Variants in ANKRD11 observed in about 807,000 individuals in gnomAD.
ANKRD11 encodes the protein ankyrin repeat domain 11.
ANKRD11 carries 17 observed loss-of-function variants against 195.7 expected under a neutral mutation model. The ratio of observed to expected loss-of-function variants is 0.09; its 90% confidence interval spans 0.06 to 0.13. The LOEUF is 0.13. Among genes scored for constraint, ANKRD11 ranks in the 10% least tolerant of loss-of-function variants. The pLI is 1.00. For synonymous variants in ANKRD11, 1,953 were observed against 1,528.1 expected, an observed-to-expected ratio of 1.28 and a Z score of -6.49; for missense variants, 3,735 against 3,566.1, an observed-to-expected ratio of 1.05 and a Z score of -1.21.
chr16:89,424,047 G>A (rs1309441202), intron 1 of ANKRD11, among the ~76,000 whole-genome samples: 1 of 152,080 alleles, frequency 6.6e-6, no homozygotes, highest in East Asian at 1.9e-4. Flanking sequence ...TACTCGACCA[G>A]TGAGGAACTG....
chr16:89,430,371 C>T (rs2042924348), intron 1 of ANKRD11, among the ~76,000 whole-genome samples: 1 of 148,826 alleles, frequency 6.7e-6, no homozygotes, highest in Non-Finnish European at 1.5e-5. Context: ...CACGCTCAGT[C>T]GTTCTAGTAC....
intron 2 of ANKRD11, chr16:89,361,345 G>C (rs2039723919): frequency 6.5e-6 from 1 of 153,094 alleles, no homozygotes; most frequent in South Asian, 2.1e-4. Flanking sequence ...GGGTGCTGCA[G>C]GGACACATTC....
intron 3 of ANKRD11, chr16:89,313,467 G>A (rs1227774403): frequency 7.8e-7 from 1 of 1,289,214 alleles, no homozygotes; most frequent in Admixed American, 2.3e-5. Context: ...GCTCACTGGT[G>A]CAGCCAAAGG....
intron 3 of ANKRD11, 108 bp from the exon 4 acceptor site, chr16:89,305,452 A>AACACCCT (rs1430436183): frequency 6.8e-7 from 1 of 1,475,824 alleles, no homozygotes; most frequent in East Asian, 2.3e-5. Flanking sequence ...TTGGGCAATG[A>AACACCCT]ACACCCTCCC....
At chr16:89,358,308 A>G (rs2039578485) in intron 2 of ANKRD11, among the ~76,000 whole-genome samples, 1 of 152,240 alleles carries the variant, frequency 6.6e-6, no homozygotes, top group African/African-American at 2.4e-5. Context: ...TCTGTTGGCC[A>G]CATCACAGCT....
At chr16:89,452,569 G>C (rs558654247) in intron 1 of ANKRD11, among the ~76,000 whole-genome samples, 7 of 151,864 alleles carry the variant, frequency 4.6e-5, no homozygotes, top group East Asian at 1.9e-4. Context: ...CTGAGGTCAA[G>C]AGATTGAGAC....
At chr16:89,449,691 G>C (rs2043977346) in intron 1 of ANKRD11, among the ~76,000 whole-genome samples, 1 of 152,178 alleles carries the variant, frequency 6.6e-6, no homozygotes, top group Admixed American at 6.5e-5. Context: ...TACTCGGGAG[G>C]CTGAGGCAGG....
intron 2 of ANKRD11, among the ~76,000 whole-genome samples, chr16:89,403,408 G>A (rs905495281): frequency 5.3e-5 from 8 of 152,164 alleles, no homozygotes; most frequent in African/African-American, 1.9e-4. Context: ...AGCACACGCA[G>A]GTGAGGGCAG....
intron 2 of ANKRD11, among the ~76,000 whole-genome samples, chr16:89,371,716 G>A (rs535426104): frequency 7.9e-5 from 12 of 152,160 alleles, no homozygotes; most frequent in South Asian, 6.2e-4. Context: ...AGGTGGTCTC[G>A]GGTGTGGAGG....
chr16:89,413,671 C>T (rs544501340), intron 2 of ANKRD11, among the ~76,000 whole-genome samples: 1 of 152,158 alleles, frequency 6.6e-6, no homozygotes, highest in Non-Finnish European at 1.5e-5. Flanking sequence ...GTGGCACCTA[C>T]AAATCCCTTA....
chr16:89,302,257 C>CTATT (rs1001372062), intron 4 of ANKRD11, among the ~76,000 whole-genome samples: 55 of 152,262 alleles, frequency 3.6e-4, no homozygotes, highest in Non-Finnish European at 7.2e-4. Flanking sequence ...GGACTCGCTA[C>CTATT]TATTTATTTA....
At chr16:89,354,084 ATGCCTGGCACTCCC>A (rs2039350299) in intron 2 of ANKRD11, among the ~76,000 whole-genome samples, 2 of 152,168 alleles carry the variant, frequency 1.3e-5, no homozygotes, top group African/African-American at 4.8e-5. Flanking sequence ...CAACAGTCCC[ATGCCTGGCACTCCC>A]TCAGGTGCCG....
At chr16:89,467,364 C>T (rs2056921395) in intron 1 of ANKRD11, among the ~76,000 whole-genome samples, 1 of 152,142 alleles carries the variant, frequency 6.6e-6, no homozygotes, top group Non-Finnish European at 1.5e-5. Flanking sequence ...ACTGCCTGAG[C>T]CCAGGAAGTT....
rs1057518663 is a variant in ANKRD11 at position 89,283,420 on chromosome 16, G to A, written c.3122C>T (p.Ser1041Leu). Residue 1041 changes from serine (S) to leucine (L), a missense_variant, in exon 9 of 13, where the codon TCA becomes TTA. Physicochemically the swap from Ser to Leu is moderately radical, Grantham distance 145 (BLOSUM62 -2). Coordinates refer to ENST00000301030, the MANE Select transcript of ANKRD11 (RefSeq NM_013275.6). The surrounding 1 kb of genome is among the most constrained non-coding windows in gnomAD (Gnocchi z 4.3). ...GTCCTTCTGACATTTTTCCAGGATT[G>A]ATTTCTCACTTTTGTCCTTGTCACT... ...KSSDKDKSEK[S>L]ILEKCQKDKE... 1 of 1,613,906 alleles carries A rather than the reference G, an allele frequency of 6.2e-7. No homozygotes were observed. Among genetic ancestry groups the A allele is most frequent in the Non-Finnish European group, 8.5e-7 (1 of 1,180,030 alleles).
chr16:89,484,181 CTT>C (rs2057531400), intron 1 of ANKRD11, among the ~76,000 whole-genome samples: 1 of 152,212 alleles, frequency 6.6e-6, no homozygotes, highest in Admixed American at 6.5e-5. Context: ...TTTTTAAAAA[CTT>C]AATCCTTTCA....
At chr16:89,442,776 G>A (rs1044906727) in intron 1 of ANKRD11, among the ~76,000 whole-genome samples, 1 of 152,138 alleles carries the variant, frequency 6.6e-6, no homozygotes, top group Non-Finnish European at 1.5e-5. Context: ...CCGGTGGCAG[G>A]AAGGTGTGTG....
intron 1 of ANKRD11, among the ~76,000 whole-genome samples, chr16:89,458,515 T>C (rs2965955): frequency 0.65 from 99,420 of 152,128 alleles, 32,998 homozygotes; most frequent in Middle Eastern, 0.86. Context: ...TGAGCCACCG[T>C]GCCCGGCCAC....
intron 2 of ANKRD11, among the ~76,000 whole-genome samples, chr16:89,375,080 G>A (rs141060789): frequency 2.6e-5 from 4 of 152,092 alleles, no homozygotes; most frequent in South Asian, 2.1e-4. Context: ...AGAGGGAAAC[G>A]TAAACAAACG....
At chr16:89,348,575 T>C (rs1272774615) in intron 2 of ANKRD11, among the ~76,000 whole-genome samples, 3 of 152,232 alleles carry the variant, frequency 2.0e-5, no homozygotes, top group Admixed American at 1.3e-4. Flanking sequence ...CATCCGGGAC[T>C]GAAGGTTTCT....
Sources: allele counts gnomAD v4.1 joint callset (sites outside exome capture counted in the v4.1 genomes callset), GRCh38; gene constraint gnomAD v4.1.1; non-coding constraint Gnocchi (gnomAD v3.1); transcripts MANE v1.5; gene names NCBI Gene and HGNC (gene_info 2026-07-23, HGNC 2026-07-21).